Variants in SYNE2 observed in about 807,000 individuals in gnomAD.
The protein encoded by SYNE2 is spectrin repeat containing nuclear envelope protein 2.
Under a neutral mutation model 856.3 loss-of-function variants are expected in SYNE2, and 431 were observed. The ratio of observed to expected loss-of-function variants is 0.50; its 90% confidence interval spans 0.47 to 0.55. SYNE2 has a LOEUF of 0.55. Ranked by LOEUF, SYNE2 falls within the 20% of genes least tolerant of loss-of-function variation. The probability of loss-of-function intolerance (pLI) is 0.00; values close to 1 mark genes in which losing one functional copy is unlikely to be tolerated. For missense variants in SYNE2, 8,129 were observed against 8,023.2 expected, an observed-to-expected ratio of 1.01 and a Z score of -0.50; for synonymous variants, 2,923 against 2,872.3, an observed-to-expected ratio of 1.02 and a Z score of -0.56.
chr14:64,137,692 T>C, intron 78 of SYNE2, 95 bp from the exon 79 acceptor site: 1 of 1,273,124 alleles, frequency 7.9e-7, no homozygotes, highest in African/African-American at 1.5e-5. Flanking sequence ...GTTTTATCAG[T>C]GGACACAAAT....
At chr14:64,024,501 C>A in intron 39 of SYNE2, 42 bp downstream of exon 39, 1 of 1,580,710 alleles carries the variant, frequency 6.3e-7, no homozygotes, top group South Asian at 1.1e-5. Flanking sequence ...GTTTTCTAAC[C>A]ATATCTTTAT....
At position 64,049,671 on chromosome 14, in the gene SYNE2, T is replaced by C. The variant is rs1163579578; in HGVS notation, c.7438T>C (p.Cys2480Arg). The part of the protein sequence containing the change: ...AAIKPLEQTE[C>R]LNKTETGALV... ...CATTAAGCCACTGGAACAAACAGAA[T>C]GTCTTAACAAAACAGAAACTGGGGC... is the stretch of plus-strand genomic sequence containing the variant. The change falls in exon 47 of 116, where the codon TGT becomes CGT. Residue 2480 changes from cysteine (C) to arginine (R), a missense_variant. Around this residue, in one of 3 missense-constraint regions of SYNE2, gnomAD observed 5,410 missense variants for 5,284.8 expected, o/e 1.02. Transcript: ENST00000555002. 7 of 1,614,134 alleles carry C rather than the reference T, an allele frequency of 4.3e-6. No individual in the cohort carries two copies. Among genetic ancestry groups the C allele is most frequent in the Non-Finnish European group, 5.9e-6 (7 of 1,180,014 alleles).
intron 1 of SYNE2, among the ~76,000 whole-genome samples, chr14:63,858,712 CCTCTT>C (rs2140117870): frequency 6.6e-6 from 1 of 152,262 alleles, no homozygotes; most frequent in East Asian, 1.9e-4. Flanking sequence ...AACAGTATTG[CCTCTT>C]AATAATGTTA....
At chr14:63,817,000 G>A (rs1889018637) in intron 1 of SYNE2, among the ~76,000 whole-genome samples, 5 of 152,170 alleles carry the variant, frequency 3.3e-5, no homozygotes, top group Admixed American at 3.3e-4. Context: ...TCCTGCCTCA[G>A]CCTTCTGAAT....
chr14:63,767,285 T>C (rs1388839990), intron 1 of SYNE2, among the ~76,000 whole-genome samples: 2 of 151,882 alleles, frequency 1.3e-5, no homozygotes, highest in Non-Finnish European at 2.9e-5. Context: ...TTTGTATTTT[T>C]TTTTAGTAGG....
chr14:63,918,132 T>A (rs2095553795), intron 2 of SYNE2, among the ~76,000 whole-genome samples: 2 of 152,188 alleles, frequency 1.3e-5, no homozygotes, highest in African/African-American at 4.8e-5. Context: ...GGTGGGGGTG[T>A]AATTATTCAG....
chr14:63,966,784 T>C (rs890225819), intron 10 of SYNE2, among the ~76,000 whole-genome samples: 2 of 152,144 alleles, frequency 1.3e-5, no homozygotes, highest in Non-Finnish European at 2.9e-5. Flanking sequence ...AGTTTTGAAC[T>C]CCTGGGCTCA....
rs775862137 is a variant in SYNE2, at chr14:63,940,624, A to G, written c.90A>G (p.Glu30=). 1 of 1,614,178 alleles carries G rather than the reference A, an allele frequency of 6.2e-7. No individual in the cohort carries two copies. The highest frequency in any genetic ancestry group is 1.7e-5 in the Admixed American group (1 of 60,018). ...DLHISLQAEQ[E]DTQKKAFTCW... is the part of the protein sequence containing the mutation. ...TTCTTTCTTTGATAGCTGAACAGGA[A>G]GACACCCAGAAGAAAGCCTTCACGT... The change falls in exon 3 of 116, where the codon GAA becomes GAG. Residue 30 remains glutamate (E), a synonymous_variant. Coordinates refer to ENST00000555002, the MANE Select transcript of SYNE2 (RefSeq NM_182914.3).
intron 96 of SYNE2, among the ~76,000 whole-genome samples, chr14:64,182,434 C>A (rs1247617281): frequency 4.0e-5 from 6 of 151,578 alleles, no homozygotes; most frequent in Non-Finnish European, 8.8e-5. Context: ...GTGTTTCTCG[C>A]AGAGGGGGAT....
intron 88 of SYNE2, among the ~76,000 whole-genome samples, chr14:64,163,006 C>T (rs2098340670): frequency 6.6e-6 from 1 of 152,180 alleles, no homozygotes; most frequent in South Asian, 2.1e-4. Flanking sequence ...ATAGTTTCTG[C>T]ACGTGAATCC....
intron 28 of SYNE2, among the ~76,000 whole-genome samples, chr14:64,001,693 G>GAATA (rs767943394): frequency 4.1e-4 from 62 of 152,180 alleles, no homozygotes; most frequent in Non-Finnish European, 5.4e-4. Context: ...ATGAATGAAT[G>GAATA]AATAAATGGA....
At chr14:64,117,028 A>G (rs2097858101) in intron 66 of SYNE2, among the ~76,000 whole-genome samples, 1 of 152,226 alleles carries the variant, frequency 6.6e-6, no homozygotes, top group African/African-American at 2.4e-5. Context: ...GGACATAAGT[A>G]GAGTAGTCCC....
At position 64,052,237 on chromosome 14, in the gene SYNE2, T is replaced by A; in HGVS notation, c.8324T>A (p.Ile2775Asn). 5 of 1,614,190 alleles carry A rather than the reference T, an allele frequency of 3.1e-6. No homozygotes were observed. The highest frequency in any genetic ancestry group is 4.2e-6 in the Non-Finnish European group (5 of 1,180,034). Reference sequence around the variant, plus strand: ...AAGTGCAAAGTGACACATGATGGCATTCTAGCTAGGCAGCAGTCTGTGGAA... The same window carrying A: ...AAGTGCAAAGTGACACATGATGGCAATCTAGCTAGGCAGCAGTCTGTGGAA... ...IRKCKVTHDG[I>N]LARQQSVESL... The change falls in exon 48 of 116, where the codon ATT (isoleucine) becomes AAT (asparagine). Residue 2775 changes from isoleucine (I) to asparagine (N), a missense_variant. By Grantham distance (149) the Ile-to-Asn change is moderately radical (BLOSUM62 -3). Transcript: ENST00000555002.
intron 8 of SYNE2, among the ~76,000 whole-genome samples, chr14:63,960,058 T>C (rs2096290140): frequency 6.6e-6 from 1 of 152,232 alleles, no homozygotes; most frequent in Admixed American, 6.5e-5. Context: ...TGACGTAATA[T>C]TGTTAACACA....
At chr14:64,150,994 G>C (rs934502244) in intron 84 of SYNE2, among the ~76,000 whole-genome samples, 3 of 152,236 alleles carry the variant, frequency 2.0e-5, no homozygotes, top group African/African-American at 4.8e-5. Context: ...GGATTGTTAC[G>C]ACAGTGAGAG....
intron 1 of SYNE2, among the ~76,000 whole-genome samples, chr14:63,818,040 A>AC (rs1555341615): frequency 2.3e-5 from 3 of 132,970 alleles, no homozygotes; most frequent in Non-Finnish European, 4.7e-5. Flanking sequence ...AAAAAAAAAA[A>AC]AAAAAACAAA....
chr14:64,098,492 A>C (rs1032757870), intron 62 of SYNE2: 1 of 592,216 alleles, frequency 1.7e-6, no homozygotes, highest in Non-Finnish European at 3.0e-6. Context: ...CTCTGCATTC[A>C]CATCAATGAA....
chr14:64,081,807 A>G (rs1389853570), intron 57 of SYNE2, among the ~76,000 whole-genome samples: 1 of 152,126 alleles, frequency 6.6e-6, no homozygotes, highest in Non-Finnish European at 1.5e-5. Flanking sequence ...TTTTTGGATA[A>G]TTTAGTATAT....
intron 6 of SYNE2, among the ~76,000 whole-genome samples, 157 bp downstream of exon 6, chr14:63,942,300 T>C (rs2095929801): frequency 6.6e-6 from 1 of 152,154 alleles, no homozygotes; most frequent in African/African-American, 2.4e-5. Flanking sequence ...AGCAGACTTT[T>C]TGCCATTTCT....
Sources: gnomAD v4.1 joint callset for allele counts (sites outside exome capture counted in the v4.1 genomes callset) on GRCh38, gnomAD v4.1.1 for gene constraint, gnomAD v4.1.1 regional missense constraint, MANE v1.5 for transcripts, NCBI Gene and HGNC (gene_info 2026-07-23, HGNC 2026-07-21) for gene names.